DAPK1: variants seen among roughly 807,000 people sequenced by gnomAD.
DAPK1 encodes the protein death associated protein kinase 1.
DAPK1 carries 56 observed loss-of-function variants against 144.9 expected under a neutral mutation model. That is an observed-to-expected ratio of 0.39 (90% CI 0.31 to 0.48). DAPK1 has a LOEUF of 0.48. Ranked by LOEUF, DAPK1 falls within the 20% of genes least tolerant of loss-of-function variation. The pLI, the probability that DAPK1 is intolerant of heterozygous loss-of-function variation, is 0.95. For synonymous variants in DAPK1, 690 were observed against 749.0 expected (o/e 0.92, Z 1.29); for missense variants, 1,454 against 1,875.4 (o/e 0.78, Z 4.15).
At position 87,708,090 on chromosome 9, in the gene DAPK1, C is replaced by T. The variant is rs1039709600; in HGVS notation, c.*726C>T. On this transcript the variant is annotated 3_prime_UTR_variant, in exon 26 of 26. Transcript: ENST00000408954. ...GAAAGGGGAGAAGGGAATCCTCCTC[C>T]AGGGTGATTTTATGATCAGTGTTGT... 2 of 291,276 alleles carry T rather than the reference C, an allele frequency of 6.9e-6. No homozygotes were observed. The highest frequency in any genetic ancestry group is 4.4e-5 in the African/African-American group (2 of 44,948). 18.0% of individuals were successfully genotyped at this position (291,276 alleles called of 1,614,324 possible).
chr9:87,595,993 C>G (rs189410411), intron 2 of DAPK1, among the ~76,000 whole-genome samples: 1 of 152,064 alleles, frequency 6.6e-6, no homozygotes, highest in East Asian at 1.9e-4. Context: ...TAAAAATCAC[C>G]GCTTTGCTTT....
rs61324273 is a variant in DAPK1, at chr9:87,692,952, CTTTTTTTTTTTTTTTTTTT to C, written c.2414-4034_2414-4016del. 3.5e-3 allele frequency among the ~76,000 whole-genome samples: 93 copies of C among 26,404 alleles called. 1 individual carries two copies. The highest frequency in any genetic ancestry group is 0.016 in the East Asian group (12 of 768). 17.3% of individuals were successfully genotyped at this position (26,404 alleles called of 152,430 possible). ...GGGCGTTCCCTTGTAAGTGACTAGA[CTTTTTTTTTTTTTTTTTTT>C]TTTTTTTTTTTTTTTTTTTTCTGTT... On this transcript the variant is annotated intron_variant, in intron 21 of 25. Coordinates refer to ENST00000408954, the MANE Select transcript of DAPK1 (RefSeq NM_004938.4).
chr9:87,680,760 C>T (rs1226192483), intron 19 of DAPK1, among the ~76,000 whole-genome samples: 1 of 152,098 alleles, frequency 6.6e-6, no homozygotes, highest in Non-Finnish European at 1.5e-5. Context: ...GAAAACATCT[C>T]TATGGTTGCC....
intron 2 of DAPK1, among the ~76,000 whole-genome samples, chr9:87,547,658 G>A (rs1447491250): frequency 6.6e-6 from 1 of 151,916 alleles, no homozygotes; most frequent in Non-Finnish European, 1.5e-5. Context: ...TGTGATTGTG[G>A]AGGGTGGCAA....
intron 17 of DAPK1, 40 bp from the exon 18 acceptor site, chr9:87,657,989 G>A (rs371377505): frequency 3.3e-5 from 26 of 784,600 alleles, no homozygotes; most frequent in African/African-American, 1.5e-4. Flanking sequence ...CAGCAACTGC[G>A]TGAGAAGAAC....
In DAPK1 at chr9:87,706,657, G is replaced by T. The variant is rs1407463179; in HGVS notation, c.3586G>T (p.Val1196Phe). ...LLVNHGQGIE[V>F]QVRGLETEKI... The stretch of plus-strand genomic sequence containing the variant: ...GGTCAACCACGGCCAGGGCATTGAG[G>T]TCCAGGTCCGCGGCCTGGAGACGGA... The change falls in exon 26 of 26, where the codon GTC becomes TTC. Residue 1196 changes from valine to phenylalanine, a missense_variant. By Grantham distance (50) the Val-to-Phe change is conservative. Transcript: ENST00000408954. This position sits in a 1 kb window ranked among gnomAD's most constrained non-coding sequence, Gnocchi z 9.0. 6.2e-7 allele frequency: 1 copy of T among 1,611,768 alleles called. No homozygotes were observed.
At chr9:87,525,433 C>T in intron 2 of DAPK1, 1 of 1,610,500 alleles carries the variant, frequency 6.2e-7, no homozygotes, top group Non-Finnish European at 8.5e-7. Context: ...GCCAGTGTTT[C>T]CGTCAGTACG....
At chr9:87,497,848 G>GGCAAGGAGCCGAGAGGCT (rs1403945567), upstream of DAPK1, 7 of 391,078 alleles carry the variant, frequency 1.8e-5, no homozygotes, top group African/African-American at 1.4e-4. Flanking sequence ...CCCAAAAGGC[G>GGCAAGGAGCCGAGAGGCT]GCAAGGAGCC....
At chr9:87,612,896 T>G (rs1380569125) in intron 3 of DAPK1, among the ~76,000 whole-genome samples, 5 of 152,188 alleles carry the variant, frequency 3.3e-5, no homozygotes, top group African/African-American at 1.2e-4. Context: ...ATCACATGTC[T>G]GAAAGGTTAC....
chr9:87,692,952 CTTTTTTTTTTTTTTTTTTTTTTTT>C (rs61324273), intron 21 of DAPK1, among the ~76,000 whole-genome samples: 2 of 26,406 alleles, frequency 7.6e-5, no homozygotes, highest in African/African-American at 1.0e-4. Context: ...AGTGACTAGA[CTTTTTTTTTTTTTTTTTTTTTTTT>C]TTTTTTTTTT....
At chr9:87,685,130 T>TA (rs1276319797) in intron 20 of DAPK1, among the ~76,000 whole-genome samples, 5 of 152,210 alleles carry the variant, frequency 3.3e-5, no homozygotes, top group Admixed American at 2.0e-4. Flanking sequence ...CATCAAGACT[T>TA]ACATCATTTT....
chr9:87,556,190 C>G lies in DAPK1; in HGVS notation c.63-48764C>G, dbSNP rs150650474. On this transcript the variant is annotated intron_variant, in intron 2 of 25. Coordinates refer to ENST00000408954, the MANE Select transcript of DAPK1 (RefSeq NM_004938.4). ...TGTAGTTAATAATGACTTATGCAGC[C>G]CAGCACCTGTGTGGGCTGGCATTGT... 2.7e-3 allele frequency among the ~76,000 whole-genome samples: 414 copies of G among 152,262 alleles called. 4 individuals are homozygous for G. The highest frequency in any genetic ancestry group is 9.7e-3 in the African/African-American group (405 of 41,566).
intron 3 of DAPK1, among the ~76,000 whole-genome samples, chr9:87,614,240 A>G (rs190919185): frequency 1.3e-5 from 2 of 152,310 alleles, no homozygotes; most frequent in Non-Finnish European, 2.9e-5. Context: ...AAGTGAGACA[A>G]TAGGAGTCTT....
At chr9:87,618,604 G>A (rs1404564167) in intron 3 of DAPK1, among the ~76,000 whole-genome samples, 2 of 152,188 alleles carry the variant, frequency 1.3e-5, no homozygotes, top group Non-Finnish European at 2.9e-5. Flanking sequence ...AAATAACTGT[G>A]ACAACATGGA....
At chr9:87,643,345 C>T in intron 10 of DAPK1, 31 bp from the exon 11 acceptor site, 5 of 1,158,952 alleles carry the variant, frequency 4.3e-6, no homozygotes, top group Non-Finnish European at 5.9e-6. Flanking sequence ...TCCCCGCCCT[C>T]CCTTTTTTTT....
At chr9:87,575,603 G>T (rs901125317) in intron 2 of DAPK1, among the ~76,000 whole-genome samples, 5 of 152,144 alleles carry the variant, frequency 3.3e-5, no homozygotes, top group African/African-American at 1.2e-4. Flanking sequence ...TTGAGGAGTG[G>T]CATCAATATT....
chr9:87,703,025 C>A lies in DAPK1; in HGVS notation c.2872-4C>A, dbSNP rs764579922. Reference sequence around the variant, plus strand: ...GTTAACCTGTCTGGCCCTGCCCCCTCTAGGTCTGTCCTCCCATGACTCACC... The same window carrying A: ...GTTAACCTGTCTGGCCCTGCCCCCTATAGGTCTGTCCTCCCATGACTCACC... On this transcript the variant is annotated splice_polypyrimidine_tract_variant and splice_region_variant and intron_variant, in intron 24 of 25. Transcript: ENST00000408954. 5 of 1,520,046 alleles carry A rather than the reference C, an allele frequency of 3.3e-6. No individual in the cohort carries two copies. The East Asian group carries it at 1.1e-4, about 34-fold the overall frequency. 94.2% of individuals were successfully genotyped at this position (1,520,046 alleles called of 1,614,324 possible).
chr9:87,569,884 A>G (rs1031177948), intron 2 of DAPK1, among the ~76,000 whole-genome samples: 5 of 152,236 alleles, frequency 3.3e-5, no homozygotes, highest in Non-Finnish European at 7.3e-5. Context: ...TAAATTGGTA[A>G]ATAAAGTTTT....
chr9:87,545,006 TTGG>T (rs1483120141), intron 2 of DAPK1, among the ~76,000 whole-genome samples: 2 of 152,132 alleles, frequency 1.3e-5, no homozygotes, highest in African/African-American at 4.8e-5. Flanking sequence ...TTCAGTACTG[TTGG>T]TGGTTGTCCC....
Sources: allele counts gnomAD v4.1 joint callset (sites outside exome capture counted in the v4.1 genomes callset), GRCh38; gene constraint gnomAD v4.1.1; non-coding constraint Gnocchi (gnomAD v3.1); transcripts MANE v1.5; gene names NCBI Gene and HGNC (gene_info 2026-07-23, HGNC 2026-07-21).